Variants in INSC observed in about 807,000 individuals in gnomAD.
INSC encodes protein inscuteable homolog.
A neutral mutation model predicts 58.6 loss-of-function variants in INSC; 67 were observed. The ratio of observed to expected loss-of-function variants is 1.14; its 90% CI spans 0.94 to 1.40. The LOEUF (loss-of-function observed/expected upper bound fraction) is 1.40. Ranked by LOEUF, INSC falls within the 40% of genes most tolerant of loss-of-function variation. INSC has a pLI of 0.00. For missense variants in INSC, 714 were observed against 692.0 expected, an observed-to-expected ratio of 1.03 and a Z score of -0.36; for synonymous variants, 262 against 276.1, an observed-to-expected ratio of 0.95 and a Z score of 0.51.
chr11:15,162,132 G>A lies in INSC; in HGVS notation c.56+12902G>A, dbSNP rs138388198. 3.5e-3 allele frequency among the ~76,000 whole-genome samples: 531 copies of A among 152,294 alleles called. 4 individuals carry two copies. Among genetic ancestry groups the A allele is most frequent in the African/African-American group, 0.012 (507 of 41,558 alleles). ...TAGATGGACCCAGCTGACATCTGGTGACAAGAGTTCTTGGGGGACCTGGGA... is the reference window on the plus strand; with the variant it reads ...TAGATGGACCCAGCTGACATCTGGTAACAAGAGTTCTTGGGGGACCTGGGA... On this transcript the variant is annotated intron_variant, in intron 2 of 12. Coordinates refer to ENST00000379556, the MANE Select transcript of INSC (RefSeq NM_001042536.3).
intron 1 of INSC, among the ~76,000 whole-genome samples, chr11:15,119,407 G>A (rs551661523): frequency 2.6e-5 from 4 of 152,138 alleles, no homozygotes; most frequent in East Asian, 1.9e-4. Context: ...CGATCTGGCC[G>A]GTCTGATCTC....
At chr11:15,216,436 C>T (rs1851221383) in intron 7 of INSC, among the ~76,000 whole-genome samples, 1 of 152,170 alleles carries the variant, frequency 6.6e-6, no homozygotes, top group Admixed American at 6.5e-5. Flanking sequence ...TTTCGTGTTG[C>T]TGTGCGTCTT....
chr11:15,243,369 A>T (rs868158540), intron 12 of INSC, among the ~76,000 whole-genome samples: 1 of 152,204 alleles, frequency 6.6e-6, no homozygotes, highest in African/African-American at 2.4e-5. Context: ...GGCAGTGCAG[A>T]TCATCTCTCC....
intron 6 of INSC, among the ~76,000 whole-genome samples, chr11:15,192,111 A>G (rs1210401398): frequency 2.0e-5 from 3 of 152,220 alleles, no homozygotes; most frequent in Non-Finnish European, 2.9e-5. Flanking sequence ...TTATGTTGGC[A>G]TATTTCTCCT....
At chr11:15,164,681 C>T (rs1479493081) in intron 2 of INSC, among the ~76,000 whole-genome samples, 3 of 152,280 alleles carry the variant, frequency 2.0e-5, no homozygotes, top group South Asian at 4.2e-4. Flanking sequence ...TCTTCAGATG[C>T]CACCTTATTG....
At chr11:15,201,435 A>G (rs1187431083) in intron 7 of INSC, among the ~76,000 whole-genome samples, 2 of 152,138 alleles carry the variant, frequency 1.3e-5, no homozygotes, top group Admixed American at 1.3e-4. Flanking sequence ...GGGAGGTGGA[A>G]GCCCCAGTCC....
chr11:15,200,311 C>T, intron 6 of INSC, among the ~76,000 whole-genome samples: 1 of 152,016 alleles, frequency 6.6e-6, no homozygotes, highest in East Asian at 1.9e-4. Context: ...ATAAATGAAA[C>T]ATTTTTTTTG....
chr11:15,144,561 T>C (rs1437517005), intron 1 of INSC, among the ~76,000 whole-genome samples: 1 of 152,176 alleles, frequency 6.6e-6, no homozygotes, highest in Non-Finnish European at 1.5e-5. Context: ...CGCCAAAGCT[T>C]GACTACTTTC....
At position 15,202,642 on chromosome 11, in the gene INSC, C is replaced by T. The variant is rs540108886; in HGVS notation, c.819+1693C>T. On this transcript the variant is annotated intron_variant, in intron 7 of 12. Transcript: ENST00000379556. ...CGACCAAATGGGGTTTGTTTCTCAC[C>T]TTTCCTGTCTGGTTGGCAGGGAAAA... Among the ~76,000 whole-genome samples, 3 of 152,174 alleles carry T rather than the reference C, an allele frequency of 2.0e-5. No homozygotes were observed. In the East Asian group the frequency reaches 5.8e-4, roughly 29 times the overall value.
intron 9 of INSC, among the ~76,000 whole-genome samples, chr11:15,229,901 C>A: frequency 8.0e-6 from 1 of 125,098 alleles, no homozygotes; most frequent in Non-Finnish European, 1.6e-5. Context: ...CTATAAAAAA[C>A]ATTTTTATAT....
intron 5 of INSC, among the ~76,000 whole-genome samples, chr11:15,180,693 G>T (rs12796877): frequency 1.4e-4 from 10 of 73,996 alleles, no homozygotes; most frequent in Admixed American, 9.7e-4. Context: ...GAGGGGGGGG[G>T]CGGGGGGGGG....
the INSC span, among the ~76,000 whole-genome samples, chr11:15,265,585 A>G: frequency 2.6e-5 from 4 of 151,478 alleles, no homozygotes; most frequent in African/African-American, 9.7e-5. Context: ...ATATCCCTTT[A>G]TTACCTTTTA....
chr11:15,133,656 C>T (rs894089576), intron 1 of INSC, among the ~76,000 whole-genome samples: 3 of 152,206 alleles, frequency 2.0e-5, no homozygotes, highest in African/African-American at 7.2e-5. Context: ...GCCCTGTACA[C>T]ATAGGAAACA....
intron 12 of INSC, among the ~76,000 whole-genome samples, chr11:15,245,434 T>C (rs1331258091): frequency 1.3e-5 from 2 of 152,182 alleles, no homozygotes; most frequent in Non-Finnish European, 2.9e-5. Flanking sequence ...AGTGATTTTA[T>C]TCTGCCAGCA....
chr11:15,264,379 T>G, the INSC span, among the ~76,000 whole-genome samples: 1 of 147,528 alleles, frequency 6.8e-6, no homozygotes, highest in Non-Finnish European at 1.5e-5. Flanking sequence ...GCCCCTTTAG[T>G]TAGATTGGAC....
chr11:15,237,595 A>G (rs1197635429), intron 10 of INSC, among the ~76,000 whole-genome samples: 1 of 152,206 alleles, frequency 6.6e-6, no homozygotes, highest in Non-Finnish European at 1.5e-5. Flanking sequence ...CAATGGTGTC[A>G]ATGCAACTGG....
intron 12 of INSC, chr11:15,241,482 G>A (rs1852352857): frequency 2.9e-6 from 2 of 681,822 alleles, no homozygotes; most frequent in South Asian, 1.6e-5. Flanking sequence ...AATGAGCTGT[G>A]TGACATTTGA....
intron 1 of INSC, among the ~76,000 whole-genome samples, chr11:15,116,175 A>G (rs1402788154): frequency 2.6e-5 from 4 of 152,136 alleles, no homozygotes; most frequent in African/African-American, 9.7e-5. Flanking sequence ...ACTTCCAAAC[A>G]CTGCCTTTGG....
At chr11:15,205,785 G>C (rs1333519819) in intron 7 of INSC, among the ~76,000 whole-genome samples, 1 of 152,084 alleles carries the variant, frequency 6.6e-6, no homozygotes, top group Non-Finnish European at 1.5e-5. Context: ...ACCTAAGTCT[G>C]GCTGGTTCTA....
Sources: allele counts gnomAD v4.1 joint callset (sites outside exome capture counted in the v4.1 genomes callset), GRCh38; gene constraint gnomAD v4.1.1; transcripts MANE v1.5; gene names NCBI Gene and HGNC (gene_info 2026-07-23, HGNC 2026-07-21).